MYO16: variants seen among roughly 807,000 people sequenced by gnomAD.
The protein encoded by MYO16 is unconventional myosin-XVI.
In MYO16, 94 loss-of-function variants were observed where a neutral mutation model predicts 205.3. The observed-to-expected ratio is 0.46, with a 90% CI of 0.39 to 0.54. MYO16 has a LOEUF of 0.54. Ranked by LOEUF, MYO16 falls within the 20% of genes least tolerant of loss-of-function variation. MYO16 has a pLI of 0.00. For missense variants in MYO16, 2,315 were observed against 2,387.5 expected (o/e 0.97, Z 0.63); for synonymous variants, 988 against 954.0 (o/e 1.04, Z -0.66).
intron 23 of MYO16, among the ~76,000 whole-genome samples, chr13:109,023,960 T>A (rs1886264312): frequency 7.1e-6 from 1 of 140,268 alleles, no homozygotes; most frequent in Admixed American, 7.4e-5. Context: ...TATAAATATA[T>A]ACTATATATT....
chr13:108,919,058 TAGAC>T (rs1007202284), intron 16 of MYO16, among the ~76,000 whole-genome samples: 19 of 152,072 alleles, frequency 1.2e-4, no homozygotes, highest in African/African-American at 4.1e-4. Flanking sequence ...CAGCTGGAAA[TAGAC>T]TTTTTCTCCA....
chr13:109,151,762 A>G (rs936256495), intron 32 of MYO16, among the ~76,000 whole-genome samples: 1 of 152,242 alleles, frequency 6.6e-6, no homozygotes, highest in Non-Finnish European at 1.5e-5. Context: ...GGGAAGAAGT[A>G]AGTGAAAATG....
intron 1 of MYO16, among the ~76,000 whole-genome samples, chr13:108,663,591 T>C (rs770086635): frequency 6.6e-6 from 1 of 152,034 alleles, no homozygotes; most frequent in Non-Finnish European, 1.5e-5. Context: ...TAAAGGAAAA[T>C]AAGAAAATTG....
intron 15 of MYO16, among the ~76,000 whole-genome samples, chr13:108,903,890 AG>A (rs1880833634): frequency 6.6e-6 from 1 of 152,206 alleles, no homozygotes; most frequent in African/African-American, 2.4e-5. Context: ...ATCTCAAACC[AG>A]GTCAAATAAG....
At chr13:109,086,487 C>A (rs1042586909) in intron 27 of MYO16, among the ~76,000 whole-genome samples, 4 of 152,314 alleles carry the variant, frequency 2.6e-5, no homozygotes, top group African/African-American at 9.6e-5. Flanking sequence ...ATATTAATTT[C>A]TTTAGGGTTC....
At chr13:108,854,178 G>A (rs1158570025) in intron 10 of MYO16, among the ~76,000 whole-genome samples, 3 of 151,882 alleles carry the variant, frequency 2.0e-5, no homozygotes, top group African/African-American at 7.3e-5. Context: ...TGTATTTTTA[G>A]TAGAGGTGAG....
intron 15 of MYO16, among the ~76,000 whole-genome samples, 160 bp from the exon 16 acceptor site, chr13:108,909,843 T>A (rs575827639): frequency 1.4e-4 from 22 of 152,186 alleles, no homozygotes; most frequent in African/African-American, 5.3e-4. Context: ...GTATTGAAAG[T>A]CCTAGCTAAT....
In MYO16 at chr13:108,972,261, A is replaced by C. The variant is rs1224515930; in HGVS notation, c.2369+7359A>C. Among the ~76,000 whole-genome samples, 85 of 50,172 alleles carry C rather than the reference A, an allele frequency of 1.7e-3. 3 individuals carry two copies. The highest frequency in any genetic ancestry group is 2.1e-3 in the Non-Finnish European group (57 of 27,314). The allele number at this position is 50,172 out of a possible 152,430, so 32.9% of individuals were successfully genotyped here. On this transcript the variant is annotated intron_variant, in intron 20 of 34. Coordinates refer to ENST00000457511, the MANE Select transcript of MYO16 (RefSeq NM_001198950.3). ...TCTCTCTCTCTCTCTATATATATAT[A>C]TATATATATATATATATATTTACCA...
chr13:109,111,690 CTT>C (rs35057363), intron 28 of MYO16, among the ~76,000 whole-genome samples: 9 of 144,286 alleles, frequency 6.2e-5, no homozygotes, highest in Admixed American at 7.0e-5. Flanking sequence ...TGATTGTAGA[CTT>C]TTTTTTTTTT....
chr13:108,664,333 T>A (rs1881631470), intron 1 of MYO16, among the ~76,000 whole-genome samples: 1 of 152,200 alleles, frequency 6.6e-6, no homozygotes. Flanking sequence ...GTGCTTTGGT[T>A]TGTTTCTTCT....
At chr13:109,002,956 T>C (rs1287625181) in intron 21 of MYO16, among the ~76,000 whole-genome samples, 1 of 152,210 alleles carries the variant, frequency 6.6e-6, no homozygotes, top group Non-Finnish European at 1.5e-5. Context: ...ATTGTTAACC[T>C]TAGCTACATG....
chr13:109,119,987 G>A (rs996267201), intron 28 of MYO16, among the ~76,000 whole-genome samples: 2 of 152,162 alleles, frequency 1.3e-5, no homozygotes, highest in Admixed American at 1.3e-4. Flanking sequence ...TTTTCTTTTT[G>A]TAAACTCAAA....
chr13:109,159,737 G>GC (rs75900305), intron 32 of MYO16, among the ~76,000 whole-genome samples: 39,595 of 152,132 alleles, frequency 0.26, 5,954 homozygotes, highest in East Asian at 0.44. Flanking sequence ...CATCCAGAAG[G>GC]CCTGAACACA....
At chr13:109,097,111 C>T (rs140956672) in intron 27 of MYO16, among the ~76,000 whole-genome samples, 3,978 of 152,282 alleles carry the variant, frequency 0.026, 86 homozygotes, top group Non-Finnish European at 0.04. Flanking sequence ...GGGTGGATCA[C>T]CTGAGGTCAG....
intron 10 of MYO16, chr13:108,855,202 G>T: frequency 5.4e-6 from 2 of 368,742 alleles, no homozygotes; most frequent in Admixed American, 8.1e-5. Flanking sequence ...CTAACAGACA[G>T]GGTGTGTGCA....
the MYO16 span, among the ~76,000 whole-genome samples, chr13:108,519,351 T>A: frequency 6.6e-6 from 1 of 151,966 alleles, no homozygotes; most frequent in Admixed American, 6.6e-5. Flanking sequence ...TTTTTCTGCA[T>A]GGTGGAACTC....
chr13:108,894,670 C>A (rs561685197), intron 14 of MYO16, among the ~76,000 whole-genome samples: 2 of 152,194 alleles, frequency 1.3e-5, no homozygotes, highest in African/African-American at 4.8e-5. Context: ...GTCAGTCTTA[C>A]ACCTCATTTG....
intron 21 of MYO16, among the ~76,000 whole-genome samples, chr13:108,998,762 G>T (rs552670860): frequency 2.0e-5 from 3 of 152,168 alleles, no homozygotes; most frequent in African/African-American, 7.2e-5. Context: ...GACACTGGCT[G>T]TTGGCTGGGG....
intron 14 of MYO16, among the ~76,000 whole-genome samples, chr13:108,891,911 G>A (rs1446638070): frequency 1.3e-5 from 2 of 152,146 alleles, no homozygotes; most frequent in Non-Finnish European, 2.9e-5. Flanking sequence ...CTACAGTTTA[G>A]AGTGATTTCT....
Sources: allele counts gnomAD v4.1 joint callset (sites outside exome capture counted in the v4.1 genomes callset), GRCh38; gene constraint gnomAD v4.1.1; transcripts MANE v1.5; gene names NCBI Gene and HGNC (gene_info 2026-07-23, HGNC 2026-07-21).